CLEC4A: variants seen among roughly 807,000 people sequenced by gnomAD.
CLEC4A encodes C-type (calcium dependent, carbohydrate-recognition domain) lectin, superfamily member 6.
Under a neutral mutation model 32.7 loss-of-function variants are expected in CLEC4A, and 27 were observed. The observed-to-expected ratio is 0.83, with a 90% CI of 0.61 to 1.14. The LOEUF (loss-of-function observed/expected upper bound fraction) is 1.14, where lower values mean the gene tolerates loss of function less well. Ranked by LOEUF, CLEC4A falls within the 50% of genes most tolerant of loss-of-function variation. The pLI, the probability that CLEC4A is intolerant of heterozygous loss-of-function variation, is 0.00. For missense variants in CLEC4A, 253 were observed against 274.6 expected (o/e 0.92, Z 0.55); for synonymous variants, 89 against 93.7 (o/e 0.95, Z 0.29).
chr12:8,114,703 T>G, the CLEC4A span, among the ~76,000 whole-genome samples: 1 of 152,218 alleles, frequency 6.6e-6, no homozygotes, highest in Non-Finnish European at 1.5e-5. Flanking sequence ...TTATGAATTA[T>G]ATGGAAGTCT....
At chr12:8,121,257 G>A (rs1947828396), upstream of CLEC4A, 1 of 152,224 alleles carries the variant, frequency 6.6e-6, no homozygotes, top group South Asian at 2.1e-4. Context: ...AGCTTAGATT[G>A]TAAAGACTCT....
intron 2 of CLEC4A, among the ~76,000 whole-genome samples, chr12:8,128,123 A>C (rs944016098): frequency 1.3e-5 from 2 of 152,192 alleles, no homozygotes; most frequent in African/African-American, 4.8e-5. Context: ...GAAATGTTAC[A>C]TTTTAAAAGA....
chr12:8,130,929 C>T (rs919376261), intron 3 of CLEC4A, among the ~76,000 whole-genome samples: 9 of 152,134 alleles, frequency 5.9e-5, no homozygotes, highest in Non-Finnish European at 1.3e-4. Flanking sequence ...CAGAACACCA[C>T]GTTACATTGA....
chr12:8,127,366 T>C (rs747887164), intron 2 of CLEC4A, among the ~76,000 whole-genome samples: 1 of 152,208 alleles, frequency 6.6e-6, no homozygotes, highest in African/African-American at 2.4e-5. Flanking sequence ...CTGCACATTC[T>C]ATTGGCCAAA....
chr12:8,123,732 A>G lies in CLEC4A; in HGVS notation c.-147A>G. ...AGTTCTCATGAGACCCCTCTTGAGG[A>G]TATGTGCCTATCTGGTGCCTCTGCT... On this transcript the variant is annotated 5_prime_UTR_variant, in exon 1 of 6. Coordinates refer to ENST00000229332, the MANE Select transcript of CLEC4A (RefSeq NM_016184.4). 3 of 619,146 alleles carry G rather than the reference A, an allele frequency of 4.8e-6. No homozygotes were observed. Among genetic ancestry groups the G allele is most frequent in the Non-Finnish European group, 5.8e-6 (2 of 346,570 alleles). The allele number at this position is 619,146 out of a possible 1,614,324, so 38.4% of individuals were successfully genotyped here.
At chr12:8,129,559 G>A (rs1403001605) in intron 3 of CLEC4A, among the ~76,000 whole-genome samples, 197 bp downstream of exon 3, 1 of 152,210 alleles carries the variant, frequency 6.6e-6, no homozygotes, top group East Asian at 1.9e-4. Context: ...TTGGGAGGCT[G>A]AGGCGTGTGG....
chr12:8,138,119 C>T (rs1286144219), intron 5 of CLEC4A, 21 bp from the exon 6 acceptor site: 2 of 1,611,112 alleles, frequency 1.2e-6, no homozygotes, highest in South Asian at 1.1e-5. Context: ...GAAATGCCCT[C>T]ATCCTTTTTG....
intron 4 of CLEC4A, among the ~76,000 whole-genome samples, chr12:8,136,392 C>T (rs1178026094): frequency 2.6e-5 from 4 of 152,096 alleles, no homozygotes; most frequent in Admixed American, 6.5e-5. Context: ...TGGTGAAACC[C>T]AGCCTCTACT....
chr12:8,114,215 G>C, the CLEC4A span, among the ~76,000 whole-genome samples: 1 of 152,100 alleles, frequency 6.6e-6, no homozygotes, highest in Admixed American at 6.5e-5. Flanking sequence ...GCTTTTTGAC[G>C]TACTTGCATT....
chr12:8,135,762 G>A, intron 4 of CLEC4A, 26 bp downstream of exon 4: 1 of 1,610,240 alleles, frequency 6.2e-7, no homozygotes, highest in African/African-American at 1.3e-5. Context: ...TAATGGGGCT[G>A]TGAGCCCTGC....
the CLEC4A span, among the ~76,000 whole-genome samples, chr12:8,103,373 G>GGTTTTTTTTTTT: frequency 1.3e-5 from 1 of 78,036 alleles, no homozygotes; most frequent in African/African-American, 5.5e-5. Flanking sequence ...GTTTCTTTCT[G>GGTTTTTTTTTTT]TTGTTTTTTT....
At chr12:8,104,379 T>C in the CLEC4A span, among the ~76,000 whole-genome samples, 1 of 152,246 alleles carries the variant, frequency 6.6e-6, no homozygotes, top group Non-Finnish European at 1.5e-5. Flanking sequence ...AAGTACTTTA[T>C]GCCTTGCAAA....
chr12:8,107,697 G>C, the CLEC4A span, among the ~76,000 whole-genome samples: 2 of 150,552 alleles, frequency 1.3e-5, no homozygotes, highest in Non-Finnish European at 3.0e-5. Context: ...AGTCTCTGAG[G>C]GTTTTTTGTA....
chr12:8,136,505 A>G (rs2120640461), intron 4 of CLEC4A, among the ~76,000 whole-genome samples: 1 of 150,652 alleles, frequency 6.6e-6, no homozygotes, highest in African/African-American at 2.4e-5. Flanking sequence ...GCAGAGGTGC[A>G]GTGAGCCAAG....
At chr12:8,106,100 G>C in the CLEC4A span, among the ~76,000 whole-genome samples, 1 of 152,246 alleles carries the variant, frequency 6.6e-6, no homozygotes, top group African/African-American at 2.4e-5. Context: ...TCAATCTTCT[G>C]CATATCGCTA....
chr12:8,129,507 G>C, intron 3 of CLEC4A, 145 bp downstream of exon 3: 2 of 661,676 alleles, frequency 3.0e-6, no homozygotes, highest in South Asian at 3.4e-5. Flanking sequence ...AAATATCTAG[G>C]ACATGCTGGG....
chr12:8,127,101 T>G (rs1947914170), intron 2 of CLEC4A, among the ~76,000 whole-genome samples: 2 of 152,212 alleles, frequency 1.3e-5, no homozygotes, highest in Non-Finnish European at 2.9e-5. Context: ...TTGAGACTGG[T>G]GTCAGTTGGG....
At chr12:8,132,759 G>T (rs1291595583) in intron 3 of CLEC4A, among the ~76,000 whole-genome samples, 7 of 152,094 alleles carry the variant, frequency 4.6e-5, no homozygotes, top group Admixed American at 4.6e-4. Flanking sequence ...TTGTATATTT[G>T]TCAATTCCTC....
At chr12:8,125,336 A>G (rs76744110) in intron 1 of CLEC4A, among the ~76,000 whole-genome samples, 2 of 152,218 alleles carry the variant, frequency 1.3e-5, no homozygotes, top group African/African-American at 4.8e-5. Flanking sequence ...GTTATATGGC[A>G]TAACAGTTAT....
Sources: allele counts gnomAD v4.1 joint callset (sites outside exome capture counted in the v4.1 genomes callset), GRCh38; gene constraint gnomAD v4.1.1; transcripts MANE v1.5; gene names NCBI Gene and HGNC (gene_info 2026-07-23, HGNC 2026-07-21).